TRIP4: variants seen among roughly 807,000 people sequenced by gnomAD.
TRIP4 encodes the protein thyroid hormone receptor interactor 4, also known as activating signal cointegrator 1.
TRIP4 carries 54 observed loss-of-function variants against 81.8 expected under a neutral mutation model. The ratio of observed to expected loss-of-function variants is 0.66; its 90% confidence interval spans 0.53 to 0.83. The LOEUF (loss-of-function observed/expected upper bound fraction) is 0.83, where lower values mean the gene tolerates loss of function less well. Among genes scored for constraint, TRIP4 ranks in the 40% least tolerant of loss-of-function variants. TRIP4 has a pLI of 0.00. For missense variants in TRIP4, 662 were observed against 683.6 expected (o/e 0.97, Z 0.35); for synonymous variants, 270 against 242.8 (o/e 1.11, Z -1.04).
At chr15:64,409,553 A>G in intron 6 of TRIP4, 60 bp from the exon 7 acceptor site, 1 of 1,513,932 alleles carries the variant, frequency 6.6e-7, no homozygotes, top group Non-Finnish European at 9.1e-7. Flanking sequence ...ACTGTTTTCC[A>G]ATAATCGGTC....
chr15:64,395,397 G>T lies in TRIP4; in HGVS notation c.272-1G>T, dbSNP rs374032892. The stretch of plus-strand genomic sequence containing the variant: ...GTATTTTTTTTTTTCTATCTTTAAA[G>T]AAATTTTAGATGGGCAGAAATCAGG... On this transcript the variant is annotated splice_acceptor_variant, in intron 2 of 12. Transcript: ENST00000261884. LOFTEE classifies it high-confidence loss of function. The T allele has an allele frequency of 1.3e-5, 20 of 1,593,646 alleles. 1 individual carries two copies. The highest frequency in any genetic ancestry group is 6.7e-5 in the East Asian group (3 of 44,688).
chr15:64,455,105 G>T lies in TRIP4; in HGVS notation c.*41G>T. 4 of 1,587,688 alleles carry T rather than the reference G, an allele frequency of 2.5e-6. No individual in the cohort carries two copies. The highest frequency in any genetic ancestry group is 3.4e-6 in the Non-Finnish European group (4 of 1,160,294). ...ACTATACAGCATAGTGGAGTTTTGT[G>T]TACTAAAATTGCTATCTACTGGTCC... On this transcript the variant is annotated 3_prime_UTR_variant, in exon 13 of 13. Coordinates refer to ENST00000261884, the MANE Select transcript of TRIP4 (RefSeq NM_016213.5).
intron 7 of TRIP4, among the ~76,000 whole-genome samples, chr15:64,412,032 C>A (rs1891777820): frequency 6.6e-6 from 1 of 152,182 alleles, no homozygotes; most frequent in Non-Finnish European, 1.5e-5. Context: ...ATCAAGATAA[C>A]AATTTCCTTT....
chr15:64,449,031 G>A (rs1169561711), intron 12 of TRIP4, among the ~76,000 whole-genome samples: 5 of 152,024 alleles, frequency 3.3e-5, no homozygotes, highest in African/African-American at 4.8e-5. Flanking sequence ...GTAACATAGC[G>A]AGACCCTGTC....
chr15:64,446,077 A>G (rs1892626118), intron 12 of TRIP4, among the ~76,000 whole-genome samples: 1 of 152,066 alleles, frequency 6.6e-6, no homozygotes, highest in Non-Finnish European at 1.5e-5. Flanking sequence ...GTTCGAGACC[A>G]GCCTGGCCAA....
chr15:64,436,575 A>G (rs2140308347), intron 11 of TRIP4, among the ~76,000 whole-genome samples: 1 of 151,886 alleles, frequency 6.6e-6, no homozygotes, highest in East Asian at 1.9e-4. Flanking sequence ...TGGGCAACAG[A>G]GCAAGACTCC....
intron 1 of TRIP4, among the ~76,000 whole-genome samples, chr15:64,389,509 T>A (rs181656690): frequency 6.8e-4 from 103 of 152,132 alleles, no homozygotes; most frequent in African/African-American, 2.3e-3. Flanking sequence ...GGATTTTTTT[T>A]AACACTAGAA....
At chr15:64,392,350 T>C (rs978012336) in intron 1 of TRIP4, among the ~76,000 whole-genome samples, 1 of 152,064 alleles carries the variant, frequency 6.6e-6, no homozygotes, top group Non-Finnish European at 1.5e-5. Flanking sequence ...TTCCTTACAG[T>C]TTTGCAAGTC....
chr15:64,425,252 T>C (rs573168831), intron 10 of TRIP4, among the ~76,000 whole-genome samples: 2 of 152,198 alleles, frequency 1.3e-5, no homozygotes, highest in South Asian at 4.2e-4. Flanking sequence ...TATAGTAGAA[T>C]CGATTTGTAT....
In TRIP4 at chr15:64,405,166, T is replaced by G. The variant is rs1460544493; in HGVS notation, c.698-1164T>G. ...TAATTTCTTTTTCTTTTCTTTTTTTTTTTTTTGAGATGGAGTCTTGCTCTG... is the reference window on the plus strand; with the variant it reads ...TAATTTCTTTTTCTTTTCTTTTTTTGTTTTTTGAGATGGAGTCTTGCTCTG... On this transcript the variant is annotated intron_variant, in intron 5 of 12. Coordinates refer to ENST00000261884, the MANE Select transcript of TRIP4 (RefSeq NM_016213.5). 2.0e-5 allele frequency among the ~76,000 whole-genome samples: 3 copies of G among 151,918 alleles called. No homozygotes were observed. In the East Asian group the frequency reaches 5.8e-4, roughly 29 times the overall value.
chr15:64,444,059 TA>T (rs985202287), intron 11 of TRIP4, among the ~76,000 whole-genome samples: 31 of 152,342 alleles, frequency 2.0e-4, no homozygotes, highest in African/African-American at 7.2e-4. Flanking sequence ...CCTTACTTTT[TA>T]AAATGAAACT....
At chr15:64,445,848 C>T (rs1352383168) in intron 12 of TRIP4, among the ~76,000 whole-genome samples, 1 of 152,086 alleles carries the variant, frequency 6.6e-6, no homozygotes, top group Non-Finnish European at 1.5e-5. Flanking sequence ...ATTTCAGATC[C>T]TATTACATTA....
At chr15:64,410,912 A>C (rs1891748778) in intron 7 of TRIP4, among the ~76,000 whole-genome samples, 1 of 152,270 alleles carries the variant, frequency 6.6e-6, no homozygotes, top group South Asian at 2.1e-4. Context: ...GGGGAAGTAC[A>C]AATAGCCAGT....
At chr15:64,435,819 T>C (rs948794871) in intron 11 of TRIP4, among the ~76,000 whole-genome samples, 24 of 71,350 alleles carry the variant, frequency 3.4e-4, no homozygotes, top group African/African-American at 1.1e-3. Flanking sequence ...AAAGGAAGCT[T>C]CTTAAAAAAA....
chr15:64,415,753 C>T (rs1483891158), intron 8 of TRIP4, among the ~76,000 whole-genome samples: 3 of 152,126 alleles, frequency 2.0e-5, no homozygotes, highest in Non-Finnish European at 2.9e-5. Flanking sequence ...ATTCCATGAA[C>T]GTGGACATTG....
intron 11 of TRIP4, among the ~76,000 whole-genome samples, chr15:64,437,194 G>A (rs910046428): frequency 4.6e-5 from 7 of 151,770 alleles, no homozygotes; most frequent in African/African-American, 7.3e-5. Context: ...GCTGAGGTGG[G>A]TGGATCACGA....
chr15:64,452,471 A>C (rs1261416664), intron 12 of TRIP4, among the ~76,000 whole-genome samples: 1 of 152,242 alleles, frequency 6.6e-6, no homozygotes, highest in African/African-American at 2.4e-5. Context: ...TCTGGTCCCA[A>C]GCATTTTAGA....
At position 64,389,921 on chromosome 15, in the gene TRIP4, C is replaced by T. The variant is rs545041346; in HGVS notation, c.101+1957C>T. Among the ~76,000 whole-genome samples the T allele has an allele frequency of 8.1e-4, 121 of 150,220 alleles. 1 individual carries two copies. Among genetic ancestry groups the T allele is most frequent in the African/African-American group, 2.6e-3 (109 of 41,142 alleles). On this transcript the variant is annotated intron_variant, in intron 1 of 12. Coordinates refer to ENST00000261884, the MANE Select transcript of TRIP4 (RefSeq NM_016213.5). ...TTCACCATGTTGACCAGGGTGGTCTCGAACTCCTGACCTCAGATGATCCAA... is the reference window on the plus strand; with the variant it reads ...TTCACCATGTTGACCAGGGTGGTCTTGAACTCCTGACCTCAGATGATCCAA...
At chr15:64,434,078 T>C (rs991996415) in intron 11 of TRIP4, among the ~76,000 whole-genome samples, 1 of 151,924 alleles carries the variant, frequency 6.6e-6, no homozygotes, top group African/African-American at 2.4e-5. Context: ...CTGAAACTAA[T>C]CTGCTTCTGG....
Sources: allele counts gnomAD v4.1 joint callset (sites outside exome capture counted in the v4.1 genomes callset), GRCh38; gene constraint gnomAD v4.1.1; transcripts MANE v1.5; gene names NCBI Gene and HGNC (gene_info 2026-07-23, HGNC 2026-07-21).